DLG2: variants seen among roughly 807,000 people sequenced by gnomAD.
DLG2 encodes the protein disks large homolog 2.
A neutral mutation model predicts 132.5 loss-of-function variants in DLG2; 45 were observed. That is an observed-to-expected ratio of 0.34 (90% confidence interval 0.27 to 0.44). DLG2 has a LOEUF of 0.44. DLG2 is among the 20% of genes least tolerant of loss of function. The probability of loss-of-function intolerance (pLI) is 1.00; values close to 1 mark genes in which losing one functional copy is unlikely to be tolerated. For missense variants in DLG2, 1,045 were observed against 1,196.9 expected, an observed-to-expected ratio of 0.87 and a Z score of 1.87; for synonymous variants, 424 against 419.6, an observed-to-expected ratio of 1.01 and a Z score of -0.13.
At chr11:84,673,514 A>G (rs1194178863) in intron 6 of DLG2, among the ~76,000 whole-genome samples, 1 of 151,570 alleles carries the variant, frequency 6.6e-6, no homozygotes, top group Non-Finnish European at 1.5e-5. Flanking sequence ...CATATAGCAT[A>G]TGTGTGATAT....
chr11:83,906,081 C>CTCTCTA (rs1211208847), intron 15 of DLG2, among the ~76,000 whole-genome samples: 12 of 96,602 alleles, frequency 1.2e-4, no homozygotes, highest in African/African-American at 3.5e-4. Context: ...CTCTCTCTCT[C>CTCTCTA]TATATATATA....
chr11:85,069,635 T>C (rs189540455), intron 6 of DLG2, among the ~76,000 whole-genome samples: 90 of 152,240 alleles, frequency 5.9e-4, no homozygotes, highest in African/African-American at 2.0e-3. Flanking sequence ...ATGGCAATCA[T>C]TAAAAATTCA....
At chr11:83,513,530 TA>T (rs2140055924) in intron 21 of DLG2, among the ~76,000 whole-genome samples, 1 of 152,346 alleles carries the variant, frequency 6.6e-6, no homozygotes, top group African/African-American at 2.4e-5. Flanking sequence ...CTCTTTAGTT[TA>T]ATTAGATCCC....
chr11:84,198,970 G>A (rs947991332), intron 8 of DLG2, among the ~76,000 whole-genome samples: 3 of 152,078 alleles, frequency 2.0e-5, no homozygotes, highest in African/African-American at 4.8e-5. Context: ...TTAAAAAATG[G>A]TCAACAGAGC....
intron 21 of DLG2, among the ~76,000 whole-genome samples, chr11:83,484,987 C>T (rs2093412422): frequency 6.6e-6 from 1 of 152,100 alleles, no homozygotes; most frequent in Non-Finnish European, 1.5e-5. Flanking sequence ...ATACTGCTAT[C>T]ACAGAGCTAG....
chr11:85,559,498 C>T (rs1020855146), intron 3 of DLG2, among the ~76,000 whole-genome samples: 1 of 151,194 alleles, frequency 6.6e-6, no homozygotes, highest in African/African-American at 2.4e-5. Context: ...GAAAGCAAAC[C>T]GAAAACAGTA....
At chr11:85,116,198 G>A (rs952208004) in intron 5 of DLG2, among the ~76,000 whole-genome samples, 1 of 151,844 alleles carries the variant, frequency 6.6e-6, no homozygotes, top group African/African-American at 2.4e-5. Context: ...GAAATGTAAT[G>A]GATAATTATA....
chr11:84,547,752 C>T (rs751108422), intron 6 of DLG2, among the ~76,000 whole-genome samples: 2 of 152,112 alleles, frequency 1.3e-5, no homozygotes, highest in Non-Finnish European at 2.9e-5. Flanking sequence ...CTGCCATTCT[C>T]ACTGGAATGG....
intron 16 of DLG2, among the ~76,000 whole-genome samples, chr11:83,866,254 A>C (rs1303514153): frequency 1.3e-5 from 2 of 152,180 alleles, no homozygotes; most frequent in African/African-American, 4.8e-5. Context: ...CAAGTTAAAA[A>C]AGGACAGTAT....
intron 19 of DLG2, among the ~76,000 whole-genome samples, chr11:83,588,581 G>A (rs905374319): frequency 3.4e-4 from 52 of 151,932 alleles, no homozygotes; most frequent in Middle Eastern, 3.4e-3. Context: ...AAAGCAGAGC[G>A]CCTCTCCTCC....
At chr11:84,819,226 C>A (rs1451074450) in intron 6 of DLG2, among the ~76,000 whole-genome samples, 4 of 151,870 alleles carry the variant, frequency 2.6e-5, no homozygotes, top group Non-Finnish European at 5.9e-5. Context: ...AAACCTATAT[C>A]TACCTGACTC....
At chr11:84,997,104 G>C (rs1010865589) in intron 6 of DLG2, 116 of 153,174 alleles carry the variant, frequency 7.6e-4, no homozygotes, top group African/African-American at 2.6e-3. Context: ...AAATACAGTA[G>C]CAATATGACT....
At chr11:84,920,655 T>C (rs976958726) in intron 6 of DLG2, among the ~76,000 whole-genome samples, 32 of 152,224 alleles carry the variant, frequency 2.1e-4, no homozygotes, top group Non-Finnish European at 4.0e-4. Context: ...ATTCAAAAAA[T>C]TGTAATAGAT....
intron 4 of DLG2, among the ~76,000 whole-genome samples, chr11:85,219,927 C>T (rs2082902787): frequency 6.6e-6 from 1 of 151,646 alleles, no homozygotes; most frequent in African/African-American, 2.4e-5. Flanking sequence ...ATTTGACATC[C>T]CAGGTCACTG....
chr11:84,054,078 G>A (rs906795889), intron 11 of DLG2, among the ~76,000 whole-genome samples: 1 of 152,002 alleles, frequency 6.6e-6, no homozygotes, highest in African/African-American at 2.4e-5. Flanking sequence ...ACCACCTTTG[G>A]ATATCAATTA....
At chr11:83,953,074 A>T (rs2085881288) in intron 14 of DLG2, among the ~76,000 whole-genome samples, 1 of 152,210 alleles carries the variant, frequency 6.6e-6, no homozygotes, top group African/African-American at 2.4e-5. Flanking sequence ...ATATTAATAC[A>T]ATTACCTAGA....
rs557995024 is a variant in DLG2, at chr11:83,973,968, TCTAA to T, written c.1056+6534_1056+6537del. ...CCCTTTGTCTAAGTTCTAACTGAGT[TCTAA>T]CTTTCCTTCTGAAAAATAAGAATAA... On this transcript the variant is annotated intron_variant, in intron 12 of 27. Coordinates refer to ENST00000376104, the MANE Select transcript of DLG2 (RefSeq NM_001142699.3). Among the ~76,000 whole-genome samples, 1,517 of 152,186 alleles carry T rather than the reference TCTAA, an allele frequency of 1.0e-2. 18 individuals are homozygous for T. The highest frequency in any genetic ancestry group is 0.011 in the Non-Finnish European group (732 of 67,984).
chr11:85,021,419 C>A, intron 6 of DLG2: 1 of 1,394,174 alleles, frequency 7.2e-7, no homozygotes. Flanking sequence ...ATATCTAAAA[C>A]CTGGTCAGCA....
chr11:84,004,733 A>G (rs2094498801), intron 11 of DLG2, among the ~76,000 whole-genome samples: 1 of 152,042 alleles, frequency 6.6e-6, no homozygotes, highest in Non-Finnish European at 1.5e-5. Flanking sequence ...AAAGGGAAAG[A>G]TCTCTACAAG....
Sources: allele counts gnomAD v4.1 joint callset (sites outside exome capture counted in the v4.1 genomes callset), GRCh38; gene constraint gnomAD v4.1.1; transcripts MANE v1.5; gene names NCBI Gene and HGNC (gene_info 2026-07-23, HGNC 2026-07-21).